The following FARP2 variants were observed in gnomAD, a reference collection of about 807,000 sequenced individuals.
The protein encoded by FARP2 is FERM, ARH/RhoGEF and pleckstrin domain protein 2, also known as FERM, ARHGEF and pleckstrin domain-containing protein 2.
In FARP2, 111 loss-of-function variants were observed where a neutral mutation model predicts 130.5. The ratio of observed to expected loss-of-function variants is 0.85; its 90% CI spans 0.73 to 1.00. The LOEUF (loss-of-function observed/expected upper bound fraction) is 1.00. Ranked by LOEUF, FARP2 falls within the 50% of genes least tolerant of loss-of-function variation. The pLI is 0.00. For missense variants in FARP2, 1,385 were observed against 1,346.3 expected (o/e 1.03, Z -0.45); for synonymous variants, 504 against 516.9 (o/e 0.98, Z 0.34).
intron 1 of FARP2, among the ~76,000 whole-genome samples, chr2:241,364,474 G>A (rs2061258839): frequency 6.6e-6 from 1 of 152,230 alleles, no homozygotes; most frequent in African/African-American, 2.4e-5. Context: ...CGTAGACACT[G>A]TGAGATAATA....
chr2:241,404,919 C>A, intron 4 of FARP2, 78 bp downstream of exon 4: 2 of 1,052,724 alleles, frequency 1.9e-6, no homozygotes, highest in Non-Finnish European at 3.0e-6. Flanking sequence ...GCATGTTCAA[C>A]TGTTCATTCT....
intron 5 of FARP2, 31 bp downstream of exon 5, chr2:241,407,646 C>T: frequency 6.5e-7 from 1 of 1,539,012 alleles, no homozygotes; most frequent in Non-Finnish European, 9.0e-7. Context: ...AAGCTGTTGT[C>T]AGCAGGAATC....
rs940640967 is a variant in FARP2, at chr2:241,457,068, A to G, written c.1587+146A>G. The G allele has an allele frequency of 1.0e-5, 7 of 694,928 alleles. No individual in the cohort carries two copies. In the African/African-American group the frequency reaches 1.1e-4, roughly 11 times the overall value. The allele number at this position is 694,928 out of a possible 1,614,324, so 43.0% of individuals were successfully genotyped here. A position where few individuals can be genotyped will look rare whatever the true frequency, so the allele number is the denominator to read the frequency against. ...GCCGCCTTACCAGCCTCCTGAGCAG[A>G]GAGGAGGTACTGGGCCGCCTTCCCT... On this transcript the variant is annotated intron_variant, in intron 14 of 26. Transcript: ENST00000264042.
intron 1 of FARP2, among the ~76,000 whole-genome samples, chr2:241,370,040 A>AG (rs2061391379): frequency 6.6e-6 from 1 of 152,184 alleles, no homozygotes. Context: ...GAAGGGTAGT[A>AG]GGGGGTGGGA....
At chr2:241,387,524 TG>T (rs2061813283) in intron 2 of FARP2, among the ~76,000 whole-genome samples, 3 of 152,210 alleles carry the variant, frequency 2.0e-5, no homozygotes, top group Admixed American at 1.3e-4. Flanking sequence ...CCAGACGCAG[TG>T]GCTCATGCCT....
At chr2:241,401,962 G>A (rs943011595) in intron 2 of FARP2, among the ~76,000 whole-genome samples, 2 of 151,964 alleles carry the variant, frequency 1.3e-5, no homozygotes, top group Non-Finnish European at 2.9e-5. Flanking sequence ...GCCAATTTTT[G>A]TATTTTTAGT....
At chr2:241,477,677 C>A (rs930514855) in intron 19 of FARP2, among the ~76,000 whole-genome samples, 2 of 152,192 alleles carry the variant, frequency 1.3e-5, no homozygotes, top group Admixed American at 1.3e-4. Context: ...GTGACTGAAC[C>A]ATTTTTCATT....
chr2:241,433,996 A>AGTGAGCCAAGATCACGCCT (rs1291164007), intron 9 of FARP2, among the ~76,000 whole-genome samples, 162 bp from the exon 10 acceptor site: 2 of 152,128 alleles, frequency 1.3e-5, no homozygotes, highest in Non-Finnish European at 2.9e-5. Context: ...AGATCACGCC[A>AGTGAGCCAAGATCACGCCT]TTGCACTCCA....
intron 13 of FARP2, among the ~76,000 whole-genome samples, chr2:241,454,885 C>A (rs1246508350): frequency 6.6e-6 from 1 of 152,206 alleles, no homozygotes; most frequent in Non-Finnish European, 1.5e-5. Context: ...GATATTTCAT[C>A]TTAAGAATCC....
Position 241,459,408 on chromosome 2 carries a change from C to A in FARP2, c.1587+2486C>A, listed in dbSNP as rs1183031601. On this transcript the variant is annotated intron_variant, in intron 14 of 26. Coordinates refer to ENST00000264042, the MANE Select transcript of FARP2 (RefSeq NM_014808.4). This position sits in a 1 kb window ranked among gnomAD's most constrained non-coding sequence, Gnocchi z 5.3. ...CACCCGTCAAGCTTTTGCACTTGCA[C>A]CCAGTTGCTGGGCTGTGCGGGGAGG... Among the ~76,000 whole-genome samples the A allele has an allele frequency of 2.0e-5, 3 of 152,226 alleles. No individual in the cohort carries two copies. The highest frequency in any genetic ancestry group is 7.2e-5 in the African/African-American group (3 of 41,474).
intron 13 of FARP2, chr2:241,443,847 G>C (rs2063452577): frequency 6.6e-6 from 1 of 152,248 alleles, no homozygotes; most frequent in Non-Finnish European, 1.5e-5. Context: ...AGAATGTCTT[G>C]TGGAAACTTT....
chr2:241,428,267 C>G (rs1168246469), intron 8 of FARP2, among the ~76,000 whole-genome samples: 1 of 149,412 alleles, frequency 6.7e-6, no homozygotes, highest in Non-Finnish European at 1.5e-5. Context: ...CGGAGTCTCC[C>G]TTTGTCGTCC....
At chr2:241,377,498 C>T (rs564861844) in intron 2 of FARP2, among the ~76,000 whole-genome samples, 13 of 152,134 alleles carry the variant, frequency 8.5e-5, no homozygotes, top group South Asian at 4.1e-4. Flanking sequence ...CCCGCCACCG[C>T]GCCTGGCTAA....
intron 17 of FARP2, among the ~76,000 whole-genome samples, chr2:241,464,421 G>A (rs1467288735): frequency 1.3e-5 from 2 of 148,970 alleles, no homozygotes; most frequent in African/African-American, 2.5e-5. Context: ...CCTCAGAACA[G>A]CATCCCCTCA....
Position 241,468,366 on chromosome 2 carries a change from C to T in FARP2, c.2120C>T (p.Ala707Val). Residue 707 changes from alanine (A) to valine (V), a missense_variant, in exon 18 of 27, where the codon GCT becomes GTT. Transcript: ENST00000264042. ...TACAGCCCCGGGCACCATGACTACG[C>T]TGACTGCCATGGTGAGTGTGGGTGC... ...GHYSPGHHDY[A>V]DCHDALKAIT... 6.2e-7 allele frequency: 1 copy of T among 1,610,756 alleles called. No homozygotes were observed. The highest frequency in any genetic ancestry group is 8.5e-7 in the Non-Finnish European group (1 of 1,177,944).
intron 19 of FARP2, 84 bp downstream of exon 19, chr2:241,476,071 A>G: frequency 2.2e-6 from 3 of 1,353,034 alleles, no homozygotes; most frequent in Non-Finnish European, 3.1e-6. Context: ...AAAAGTCACC[A>G]TTTTAAAATG....
At chr2:241,484,510 A>G (rs909926756) in intron 21 of FARP2, among the ~76,000 whole-genome samples, 179 bp downstream of exon 21, 8 of 152,172 alleles carry the variant, frequency 5.3e-5, no homozygotes, top group African/African-American at 1.9e-4. Context: ...TCTGACCCTC[A>G]TGGTCATTGT....
intron 10 of FARP2, 101 bp from the exon 11 acceptor site, chr2:241,434,861 T>G: frequency 1.3e-6 from 1 of 771,848 alleles, no homozygotes; most frequent in Non-Finnish European, 2.3e-6. Flanking sequence ...TGTGTGTATA[T>G]TTATGAGAGA....
rs537855972 is a variant in FARP2, at chr2:241,491,223, AAGG to A, written c.2623+48_2623+50del. 54 of 1,387,132 alleles carry A rather than the reference AAGG, an allele frequency of 3.9e-5. No homozygotes were observed. In the African/African-American group the frequency reaches 5.7e-4, roughly 15 times the overall value. 85.9% of individuals were successfully genotyped at this position (1,387,132 alleles called of 1,614,324 possible). A position where few individuals can be genotyped will look rare whatever the true frequency, so the allele number is the denominator to read the frequency against. On this transcript the variant is annotated intron_variant, in intron 23 of 26. Transcript: ENST00000264042. ...CCCCCAGGAGACCTCCACTACACCTAAGGAGGCTTTTTTTGGAAACTGTTTTCC... is the reference window on the plus strand; with the variant it reads ...CCCCCAGGAGACCTCCACTACACCTAAGGCTTTTTTTGGAAACTGTTTTCC...
Sources: allele counts gnomAD v4.1 joint callset (sites outside exome capture counted in the v4.1 genomes callset), GRCh38; gene constraint gnomAD v4.1.1; non-coding constraint Gnocchi (gnomAD v3.1); transcripts MANE v1.5; gene names NCBI Gene and HGNC (gene_info 2026-07-23, HGNC 2026-07-21).